The following ZDHHC20 variants were observed in gnomAD, a reference collection of about 807,000 sequenced individuals.
The protein encoded by ZDHHC20 is palmitoyltransferase ZDHHC20.
Under a neutral mutation model 57.8 loss-of-function variants are expected in ZDHHC20, and 43 were observed. The ratio of observed to expected loss-of-function variants is 0.74; its 90% confidence interval spans 0.58 to 0.96. ZDHHC20 has a LOEUF of 0.96. Among genes scored for constraint, ZDHHC20 ranks in the 40% least tolerant of loss-of-function variants. ZDHHC20 has a pLI of 0.00. For synonymous variants in ZDHHC20, 157 were observed against 153.0 expected (o/e 1.03, Z -0.19); for missense variants, 391 against 441.1 (o/e 0.89, Z 1.02).
chr13:21,435,452 T>A (rs1450104054), intron 1 of ZDHHC20, among the ~76,000 whole-genome samples: 1 of 151,948 alleles, frequency 6.6e-6, no homozygotes, highest in Non-Finnish European at 1.5e-5. Context: ...AAAAAAACAA[T>A]AAGGACACAT....
Position 21,373,533 on chromosome 13 carries a change from G to A in ZDHHC20, c.*3163C>T, listed in dbSNP as rs867904732. ...TGTAAACTTGTTCATTTAAAATAAC[G>A]AATGTACTGCAGCTGCTCTTTGGTT... On this transcript the variant is annotated 3_prime_UTR_variant, in exon 13 of 13. Coordinates refer to ENST00000400590, the MANE Select transcript of ZDHHC20 (RefSeq NM_001330059.2). 6.6e-6 allele frequency: 1 copy of A among 152,098 alleles called. No homozygotes were observed. Among genetic ancestry groups the A allele is most frequent in the Non-Finnish European group, 1.5e-5 (1 of 68,010 alleles). 9.4% of individuals were successfully genotyped at this position (152,098 alleles called of 1,614,324 possible).
At chr13:21,448,347 C>T (rs1593283399) in intron 1 of ZDHHC20, among the ~76,000 whole-genome samples, 7 of 100,380 alleles carry the variant, frequency 7.0e-5, no homozygotes, top group Admixed American at 2.8e-4. Flanking sequence ...CCCGGCCAGC[C>T]GCCCCGTCCG....
At chr13:21,443,103 G>A (rs1431608950) in intron 1 of ZDHHC20, among the ~76,000 whole-genome samples, 4 of 152,106 alleles carry the variant, frequency 2.6e-5, no homozygotes, top group Non-Finnish European at 4.4e-5. Context: ...ATCCTCTATC[G>A]CTTTGATACT....
chr13:21,442,040 G>T (rs569819023), intron 1 of ZDHHC20, among the ~76,000 whole-genome samples: 1 of 151,996 alleles, frequency 6.6e-6, no homozygotes, highest in African/African-American at 2.4e-5. Context: ...TTTTGTTTAC[G>T]TTAGGTATCA....
chr13:21,431,071 T>C lies in ZDHHC20; in HGVS notation c.119-5393A>G, dbSNP rs560494966. Among the ~76,000 whole-genome samples, 3 of 152,340 alleles carry C rather than the reference T, an allele frequency of 2.0e-5. No individual in the cohort carries two copies. The South Asian group carries it at 6.2e-4, about 32-fold the overall frequency. On this transcript the variant is annotated intron_variant, in intron 1 of 12. Transcript: ENST00000400590. ...AGTGATTTCACCTTTTTGTCTATTA[T>C]GATTACTCGTGTATTCACCAAGCCT...
At chr13:21,433,723 C>T (rs751230245) in intron 1 of ZDHHC20, among the ~76,000 whole-genome samples, 1 of 152,182 alleles carries the variant, frequency 6.6e-6, no homozygotes, top group Non-Finnish European at 1.5e-5. Context: ...TTTTGACTGG[C>T]TGAACTTACA....
chr13:21,376,576 A>T lies in ZDHHC20; in HGVS notation c.*120T>A, dbSNP rs894212261. ...CGTTTTAAAAAATATATCTTCTGTT[A>T]TACTTCAGTTATTTCATTCCACTGA... On this transcript the variant is annotated 3_prime_UTR_variant, in exon 13 of 13. Coordinates refer to ENST00000400590, the MANE Select transcript of ZDHHC20 (RefSeq NM_001330059.2). The T allele has an allele frequency of 2.6e-6, 3 of 1,173,570 alleles. No homozygotes were observed. The African/African-American group carries it at 4.8e-5, about 19-fold the overall frequency. The allele number at this position is 1,173,570 out of a possible 1,614,324, so 72.7% of individuals were successfully genotyped here.
At chr13:21,385,998 C>A (rs138092982) in intron 9 of ZDHHC20, among the ~76,000 whole-genome samples, 72 of 152,294 alleles carry the variant, frequency 4.7e-4, no homozygotes, top group African/African-American at 1.6e-3. Context: ...ATCCTATCGA[C>A]TTAGAATTCA....
At chr13:21,421,926 T>C (rs1880691329) in intron 2 of ZDHHC20, among the ~76,000 whole-genome samples, 1 of 152,170 alleles carries the variant, frequency 6.6e-6, no homozygotes, top group East Asian at 1.9e-4. Flanking sequence ...AAAGTTTAGA[T>C]AAAATGCTAC....
chr13:21,408,926 A>G (rs987177416), intron 4 of ZDHHC20, among the ~76,000 whole-genome samples: 2 of 152,176 alleles, frequency 1.3e-5, no homozygotes, highest in Non-Finnish European at 2.9e-5. Flanking sequence ...ATTTGTGTAT[A>G]TTGAACCAGC....
chr13:21,437,398 G>C (rs953310029), intron 1 of ZDHHC20, among the ~76,000 whole-genome samples: 2 of 152,196 alleles, frequency 1.3e-5, no homozygotes, highest in African/African-American at 4.8e-5. Flanking sequence ...CGCCATATCA[G>C]TGGCTACACT....
chr13:21,447,704 C>T (rs1395990881), intron 1 of ZDHHC20, among the ~76,000 whole-genome samples: 1 of 113,364 alleles, frequency 8.8e-6, no homozygotes, highest in Non-Finnish European at 2.0e-5. Context: ...CGGCCGCCAC[C>T]CCGTCTGGGA....
intron 11 of ZDHHC20, among the ~76,000 whole-genome samples, chr13:21,380,333 C>A (rs994413890): frequency 6.6e-6 from 1 of 151,372 alleles, no homozygotes; most frequent in Non-Finnish European, 1.5e-5. Flanking sequence ...CCAAGCTGGT[C>A]TCTAACACTT....
chr13:21,456,594 T>C (rs1884949651), intron 1 of ZDHHC20, among the ~76,000 whole-genome samples: 1 of 152,196 alleles, frequency 6.6e-6, no homozygotes, highest in African/African-American at 2.4e-5. Flanking sequence ...ATAGTTTTAA[T>C]ATGAGTAAAT....
chr13:21,437,403 T>C (rs1882664377), intron 1 of ZDHHC20, among the ~76,000 whole-genome samples: 1 of 152,236 alleles, frequency 6.6e-6, no homozygotes, highest in Non-Finnish European at 1.5e-5. Context: ...TATCAGTGGC[T>C]ACACTAAATA....
intron 12 of ZDHHC20, chr13:21,377,675 C>G (rs546120759): frequency 5.4e-4 from 116 of 216,806 alleles, no homozygotes; most frequent in Admixed American, 9.7e-4. Flanking sequence ...ACCTCCACCC[C>G]TAGTGCCTGT....
chr13:21,417,368 GA>G (rs1378744140), intron 3 of ZDHHC20, among the ~76,000 whole-genome samples: 3 of 151,858 alleles, frequency 2.0e-5, no homozygotes, highest in Non-Finnish European at 4.4e-5. Flanking sequence ...TTGAAACAAT[GA>G]AAAAAAGAAA....
chr13:21,400,377 C>A lies in ZDHHC20; in HGVS notation c.590G>T (p.Trp197Leu). Residue 197 changes from tryptophan to leucine, a missense_variant, in exon 7 of 13, where the codon TGG (tryptophan) becomes TTG (leucine). By Grantham distance (61) the Trp-to-Leu change is moderately conservative. Around this residue, in one of 3 missense-constraint regions of ZDHHC20, gnomAD observed 197 missense variants for 220.8 expected, o/e 0.89. Transcript: ENST00000400590. ...AAGATAGAAAAAAAGACTTACCGTC[C>A]AAAATTTTATAAAGTACTCTAAAAC... ...ATVLEYFIKF[W>L]TNELTDTRAK... 6.3e-7 allele frequency: 1 copy of A among 1,579,860 alleles called. No homozygotes were observed. Among genetic ancestry groups the A allele is most frequent in the South Asian group, 1.2e-5 (1 of 82,224 alleles).
chr13:21,429,562 T>A (rs1222727838), intron 1 of ZDHHC20, among the ~76,000 whole-genome samples: 1 of 152,238 alleles, frequency 6.6e-6, no homozygotes, highest in Non-Finnish European at 1.5e-5. Context: ...TTATAATGTA[T>A]GTTGGAGTGG....
Sources: gnomAD v4.1 joint callset for allele counts (sites outside exome capture counted in the v4.1 genomes callset) on GRCh38, gnomAD v4.1.1 for gene constraint, gnomAD v4.1.1 regional missense constraint, MANE v1.5 for transcripts, NCBI Gene and HGNC (gene_info 2026-07-23, HGNC 2026-07-21) for gene names.